The following GRM8 variants were observed in gnomAD, a reference collection of about 807,000 sequenced individuals.
GRM8 encodes the protein glutamate metabotropic receptor 8.
GRM8 carries 47 observed loss-of-function variants against 87.2 expected under a neutral mutation model. The observed-to-expected ratio is 0.54, with a 90% confidence interval of 0.43 to 0.69. GRM8 has a LOEUF of 0.69. GRM8 is among the 30% of genes least tolerant of loss of function. The pLI, the probability that GRM8 is intolerant of heterozygous loss-of-function variation, is 0.00. For synonymous variants in GRM8, 396 were observed against 404.5 expected, an observed-to-expected ratio of 0.98 and a Z score of 0.25; for missense variants, 1,019 against 1,139.2, an observed-to-expected ratio of 0.89 and a Z score of 1.52.
intron 8 of GRM8, among the ~76,000 whole-genome samples, chr7:126,581,791 T>C: frequency 6.6e-6 from 1 of 152,150 alleles, no homozygotes; most frequent in Non-Finnish European, 1.5e-5. Flanking sequence ...ATATCTGTTT[T>C]GGTGATCTGT....
intron 6 of GRM8, among the ~76,000 whole-genome samples, chr7:126,788,420 A>AAAAAACAAAAAAACAAAAAACAAAAAAC: frequency 2.5e-5 from 2 of 81,138 alleles, no homozygotes; most frequent in Non-Finnish European, 4.7e-5. Flanking sequence ...AAAAAAAAAA[A>AAAAAACAAAAAAACAAAAAACAAAAAAC]AAACCCTTTC....
intron 6 of GRM8, among the ~76,000 whole-genome samples, chr7:126,840,701 A>G (rs1326908519): frequency 6.6e-6 from 1 of 152,234 alleles, no homozygotes; most frequent in Non-Finnish European, 1.5e-5. Flanking sequence ...AGAAAATAAA[A>G]TGAACTTTGT....
intron 2 of GRM8, among the ~76,000 whole-genome samples, chr7:127,217,115 A>G (rs1796606004): frequency 6.6e-6 from 1 of 152,230 alleles, no homozygotes; most frequent in Non-Finnish European, 1.5e-5. Flanking sequence ...ATATGGATGA[A>G]TACATAAATG....
intron 3 of GRM8, among the ~76,000 whole-genome samples, chr7:126,998,564 A>C (rs1813404760): frequency 6.6e-6 from 1 of 151,872 alleles, no homozygotes; most frequent in East Asian, 1.9e-4. Flanking sequence ...TGATAAACAA[A>C]TTCAGTAAAG....
chr7:126,664,483 T>C (rs1805546353), intron 7 of GRM8, among the ~76,000 whole-genome samples: 1 of 151,522 alleles, frequency 6.6e-6, no homozygotes, highest in Non-Finnish European at 1.5e-5. Context: ...AATAAAGTCA[T>C]CCAATCTTCA....
At chr7:127,226,869 C>T (rs966795490) in intron 2 of GRM8, among the ~76,000 whole-genome samples, 1 of 152,184 alleles carries the variant, frequency 6.6e-6, no homozygotes, top group Non-Finnish European at 1.5e-5. Context: ...CCGGCTTGCA[C>T]GCCTCCTACG....
At chr7:126,968,465 T>C (rs1029281904) in intron 3 of GRM8, among the ~76,000 whole-genome samples, 10 of 152,168 alleles carry the variant, frequency 6.6e-5, no homozygotes, top group African/African-American at 1.9e-4. Flanking sequence ...ATTATGTCTA[T>C]AAAGTTACCC....
At chr7:126,594,583 T>C (rs1199694795) in intron 8 of GRM8, among the ~76,000 whole-genome samples, 7 of 152,108 alleles carry the variant, frequency 4.6e-5, no homozygotes, top group Non-Finnish European at 1.0e-4. Context: ...CATTGAAGGA[T>C]GGCAGAATTT....
At chr7:127,078,292 C>T (rs562230580) in intron 3 of GRM8, among the ~76,000 whole-genome samples, 4 of 152,334 alleles carry the variant, frequency 2.6e-5, no homozygotes, top group Admixed American at 6.5e-5. Flanking sequence ...ACTTTTTACA[C>T]ACCACCGTCC....
intron 3 of GRM8, among the ~76,000 whole-genome samples, chr7:126,972,213 T>A (rs967881411): frequency 9.2e-5 from 14 of 152,206 alleles, no homozygotes; most frequent in Admixed American, 6.5e-5. Context: ...TGGGAAATGC[T>A]GTGGATAATA....
intron 2 of GRM8, among the ~76,000 whole-genome samples, chr7:127,223,364 A>G (rs1230162975): frequency 1.3e-5 from 2 of 152,046 alleles, no homozygotes; most frequent in Non-Finnish European, 2.9e-5. Flanking sequence ...GGGGCAGCCT[A>G]GCTTCTTTTA....
chr7:126,562,861 C>T lies in GRM8; in HGVS notation c.1495-28974G>A, dbSNP rs185886385. On this transcript the variant is annotated intron_variant, in intron 8 of 10. Transcript: ENST00000339582. ...GCGGTGAGCCGAGACCATACCACTG[C>T]ACTCCAGCCTGGGCAACAAGAGCAA... 1.1e-4 allele frequency among the ~76,000 whole-genome samples: 17 copies of T among 152,316 alleles called. No individual in the cohort carries two copies. The East Asian group carries it at 3.3e-3, about 29-fold the overall frequency.
At chr7:126,446,513 T>G in intron 9 of GRM8, 141 bp from the exon 10 acceptor site, 1 of 608,878 alleles carries the variant, frequency 1.6e-6, no homozygotes, top group Non-Finnish European at 2.9e-6. Flanking sequence ...TGTCCTTAAT[T>G]ATAGTCAACC....
intron 2 of GRM8, among the ~76,000 whole-genome samples, chr7:127,142,828 C>T (rs755331668): frequency 2.0e-5 from 3 of 151,884 alleles, no homozygotes; most frequent in Non-Finnish European, 2.9e-5. Flanking sequence ...GATACATTAG[C>T]GACAACAGAT....
At chr7:127,094,203 G>T (rs1824427159) in intron 3 of GRM8, among the ~76,000 whole-genome samples, 1 of 152,212 alleles carries the variant, frequency 6.6e-6, no homozygotes, top group Admixed American at 6.5e-5. Flanking sequence ...CTCATCTAGT[G>T]CTGGAGTTTC....
At chr7:126,556,582 G>T (rs1793169726) in intron 8 of GRM8, among the ~76,000 whole-genome samples, 1 of 152,254 alleles carries the variant, frequency 6.6e-6, no homozygotes, top group East Asian at 1.9e-4. Context: ...AGGAGGCAGA[G>T]GTTGCAGTGA....
At chr7:127,062,376 GAATGGTGT>G (rs1181054176) in intron 3 of GRM8, among the ~76,000 whole-genome samples, 11 of 152,246 alleles carry the variant, frequency 7.2e-5, no homozygotes, top group Non-Finnish European at 1.6e-4. Context: ...ATAAAAGAAG[GAATGGTGT>G]AATAAAAGCA....
intron 6 of GRM8, among the ~76,000 whole-genome samples, chr7:126,811,930 A>T (rs945891303): frequency 6.6e-6 from 1 of 151,848 alleles, no homozygotes; most frequent in Non-Finnish European, 1.5e-5. Flanking sequence ...GCATATTTGT[A>T]TTGTTCCAGT....
chr7:126,722,895 A>ATATATATATAATATGTTAT (rs5741662), intron 7 of GRM8, among the ~76,000 whole-genome samples: 10 of 143,996 alleles, frequency 6.9e-5, no homozygotes, highest in Non-Finnish European at 1.3e-4. Context: ...TGTGAAAAAA[A>ATATATATATAATATGTTAT]ATATATATAA....
Sources: allele counts gnomAD v4.1 joint callset (sites outside exome capture counted in the v4.1 genomes callset), GRCh38; gene constraint gnomAD v4.1.1; transcripts MANE v1.5; gene names NCBI Gene and HGNC (gene_info 2026-07-23, HGNC 2026-07-21).